The following PCNX2 variants were observed in gnomAD, a reference collection of about 807,000 sequenced individuals.
PCNX2 encodes the protein pecanex 2, also known as pecanex-like protein 2.
Under a neutral mutation model 223.8 loss-of-function variants are expected in PCNX2, and 168 were observed. The observed-to-expected ratio is 0.75, with a 90% CI of 0.66 to 0.85. The LOEUF (loss-of-function observed/expected upper bound fraction) is 0.85, where lower values mean the gene tolerates loss of function less well. PCNX2 is among the 40% of genes least tolerant of loss of function. The pLI, the probability that PCNX2 is intolerant of heterozygous loss-of-function variation, is 0.00. For missense variants in PCNX2, 2,507 were observed against 2,675.5 expected, an observed-to-expected ratio of 0.94 and a Z score of 1.39; for synonymous variants, 1,006 against 1,052.6, an observed-to-expected ratio of 0.96 and a Z score of 0.86.
intron 21 of PCNX2, among the ~76,000 whole-genome samples, chr1:233,120,723 C>T (rs947520627): frequency 1.3e-5 from 2 of 152,040 alleles, no homozygotes; most frequent in Non-Finnish European, 2.9e-5. Context: ...ATTCTTGAAA[C>T]ATCAAAATTA....
chr1:233,146,375 A>T (rs1238405888), intron 19 of PCNX2, among the ~76,000 whole-genome samples: 2 of 152,170 alleles, frequency 1.3e-5, no homozygotes, highest in Non-Finnish European at 2.9e-5. Context: ...TGGGGGAAAA[A>T]AGCAGTCTTT....
At chr1:233,091,163 G>A (rs752613861) in intron 22 of PCNX2, among the ~76,000 whole-genome samples, 2 of 152,110 alleles carry the variant, frequency 1.3e-5, no homozygotes, top group Non-Finnish European at 2.9e-5. Context: ...GTATAATATC[G>A]ACATCCTTCC....
At chr1:233,128,870 C>G (rs1051231700) in intron 21 of PCNX2, among the ~76,000 whole-genome samples, 1 of 152,164 alleles carries the variant, frequency 6.6e-6, no homozygotes, top group Non-Finnish European at 1.5e-5. Context: ...AATGAAGGAG[C>G]GAGGAAGAAG....
At chr1:233,158,902 G>C (rs76181456) in intron 19 of PCNX2, among the ~76,000 whole-genome samples, 8,969 of 152,284 alleles carry the variant, frequency 0.059, 513 homozygotes, top group East Asian at 0.31. Flanking sequence ...TATGTATCCA[G>C]AAGCAGTCAC....
At chr1:233,141,773 ATGTGTGTGTGTGTG>A (rs34145635) in intron 19 of PCNX2, among the ~76,000 whole-genome samples, 1 of 146,182 alleles carries the variant, frequency 6.8e-6, no homozygotes, top group Non-Finnish European at 1.5e-5. Flanking sequence ...GTATATGTAT[ATGTGTGTGTGTGTG>A]TGTGTGTGTG....
the PCNX2 span, among the ~76,000 whole-genome samples, chr1:233,323,631 G>A: frequency 6.6e-6 from 1 of 152,128 alleles, no homozygotes; most frequent in African/African-American, 2.4e-5. Flanking sequence ...GTTACTAATT[G>A]TCATTGTTTT....
intron 19 of PCNX2, among the ~76,000 whole-genome samples, chr1:233,147,387 A>G (rs1677521932): frequency 6.6e-6 from 1 of 152,188 alleles, no homozygotes; most frequent in Non-Finnish European, 1.5e-5. Flanking sequence ...GAGAAAATAT[A>G]TTTCCTATTC....
In PCNX2 at chr1:233,189,897, G is replaced by A. The variant is rs1680320214; in HGVS notation, c.3066+9042C>T. Among the ~76,000 whole-genome samples the A allele has an allele frequency of 2.0e-5, 3 of 152,170 alleles. No homozygotes were observed. The South Asian group carries it at 6.2e-4, about 31-fold the overall frequency. On this transcript the variant is annotated intron_variant, in intron 15 of 33. Coordinates refer to ENST00000258229, the MANE Select transcript of PCNX2 (RefSeq NM_014801.4). ...AGGAGCAAATATTCTGGTTGTTTCT[G>A]TAGATCACTGTCAAATACTATTTAA...
chr1:233,110,126 G>A (rs1249645082), intron 21 of PCNX2, among the ~76,000 whole-genome samples: 2 of 151,932 alleles, frequency 1.3e-5, no homozygotes, highest in African/African-American at 4.8e-5. Flanking sequence ...AGATCAGATA[G>A]TACCAAGGAG....
chr1:233,133,266 A>G (rs1676610518), intron 21 of PCNX2, among the ~76,000 whole-genome samples: 1 of 152,190 alleles, frequency 6.6e-6, no homozygotes, highest in African/African-American at 2.4e-5. Flanking sequence ...AACTTCACAA[A>G]TAGTTTAAAG....
At chr1:233,231,124 AG>A (rs1658035144) in intron 9 of PCNX2, among the ~76,000 whole-genome samples, 6 of 152,286 alleles carry the variant, frequency 3.9e-5, no homozygotes, top group Admixed American at 2.0e-4. Flanking sequence ...CCAAGGTCCT[AG>A]ATTAGGAAGA....
chr1:233,143,998 T>C (rs1376976859), intron 19 of PCNX2, among the ~76,000 whole-genome samples: 2 of 152,054 alleles, frequency 1.3e-5, no homozygotes, highest in Non-Finnish European at 2.9e-5. Flanking sequence ...CTGGGCAATA[T>C]AGGGAGACCC....
chr1:233,210,532 G>A, intron 12 of PCNX2: 1 of 946,754 alleles, frequency 1.1e-6, no homozygotes. Flanking sequence ...ACCCGACTTG[G>A]CCTCCCAAAG....
At chr1:233,022,607 G>A (rs3820120) in intron 26 of PCNX2, among the ~76,000 whole-genome samples, 1 of 122,310 alleles carries the variant, frequency 8.2e-6, no homozygotes, top group Non-Finnish European at 1.6e-5. Context: ...TGAGAGATGG[G>A]GGGGGAGTGG....
intron 23 of PCNX2, among the ~76,000 whole-genome samples, chr1:233,088,573 T>C (rs948144444): frequency 6.6e-6 from 1 of 152,190 alleles, no homozygotes; most frequent in East Asian, 1.9e-4. Context: ...AGCCTTGTTA[T>C]GTGTGAATTT....
chr1:233,035,452 T>C (rs1482415438), intron 25 of PCNX2, among the ~76,000 whole-genome samples: 1 of 152,198 alleles, frequency 6.6e-6, no homozygotes, highest in East Asian at 1.9e-4. Flanking sequence ...TTTAAAAGGA[T>C]CATTGCCTTC....
intron 1 of PCNX2, among the ~76,000 whole-genome samples, chr1:233,294,886 G>A (rs565248902): frequency 7.2e-5 from 11 of 152,262 alleles, no homozygotes; most frequent in African/African-American, 2.6e-4. Context: ...CAAGAAAGAA[G>A]GTGAGGGGGG....
At chr1:233,324,120 T>G in the PCNX2 span, among the ~76,000 whole-genome samples, 1 of 152,252 alleles carries the variant, frequency 6.6e-6, no homozygotes, top group African/African-American at 2.4e-5. Flanking sequence ...AAGCAAGGCC[T>G]TAACTCTCTT....
intron 1 of PCNX2, among the ~76,000 whole-genome samples, chr1:233,267,285 C>T (rs1337832162): frequency 6.6e-6 from 1 of 152,144 alleles, no homozygotes; most frequent in Non-Finnish European, 1.5e-5. Context: ...CGCACCATTG[C>T]ACTCTAGCCT....
Sources: gnomAD v4.1 joint callset for allele counts (sites outside exome capture counted in the v4.1 genomes callset) on GRCh38, gnomAD v4.1.1 for gene constraint, MANE v1.5 for transcripts, NCBI Gene and HGNC (gene_info 2026-07-23, HGNC 2026-07-21) for gene names.